ANKS1A: variants seen among roughly 807,000 people sequenced by gnomAD.
ANKS1A encodes the protein ankyrin repeat and sterile alpha motif domain containing 1A, also known as ankyrin repeat and SAM domain-containing protein 1A.
Under a neutral mutation model 120.3 loss-of-function variants are expected in ANKS1A, and 55 were observed. The observed-to-expected ratio is 0.46, with a 90% CI of 0.37 to 0.57. ANKS1A has a LOEUF of 0.57. ANKS1A is among the 20% of genes least tolerant of loss of function. The pLI is 0.00. For missense variants in ANKS1A, 1,123 were observed against 1,480.3 expected, an observed-to-expected ratio of 0.76 and a Z score of 3.96; for synonymous variants, 590 against 604.7, an observed-to-expected ratio of 0.98 and a Z score of 0.36.
intron 8 of ANKS1A, among the ~76,000 whole-genome samples, chr6:34,987,381 T>A (rs968584582): frequency 6.6e-6 from 1 of 152,186 alleles, no homozygotes; most frequent in African/African-American, 2.4e-5. Context: ...TACGATGAGT[T>A]CTTTTTGTTG....
chr6:35,000,504 G>A (rs1260846769), intron 10 of ANKS1A, among the ~76,000 whole-genome samples: 2 of 151,802 alleles, frequency 1.3e-5, no homozygotes, highest in Admixed American at 6.6e-5. Context: ...AAAAAAAGTG[G>A]AGGGAGGCAA....
intron 11 of ANKS1A, among the ~76,000 whole-genome samples, chr6:35,051,963 A>T (rs1561940390): frequency 6.6e-6 from 1 of 152,194 alleles, no homozygotes; most frequent in Non-Finnish European, 1.5e-5. Flanking sequence ...TGTACATGAT[A>T]TCTTTTAATC....
In ANKS1A at chr6:34,982,095, C is replaced by T. The variant is rs1771935293; in HGVS notation, c.732+109C>T. On this transcript the variant is annotated intron_variant, in intron 4 of 23. Coordinates refer to ENST00000360359, the MANE Select transcript of ANKS1A (RefSeq NM_015245.3). This position sits in a 1 kb window ranked among gnomAD's most constrained non-coding sequence, Gnocchi z 4.9. ...GCTCTTTATTTAGCACGTTTCACAT[C>T]ATGTTTCAAATGCTTATTTGCCGAC... 3.0e-6 allele frequency: 4 copies of T among 1,343,048 alleles called. No individual in the cohort carries two copies. Among genetic ancestry groups the T allele is most frequent in the Non-Finnish European group, 4.0e-6 (4 of 990,548 alleles). 83.2% of individuals were successfully genotyped at this position (1,343,048 alleles called of 1,614,324 possible).
At chr6:35,001,852 G>A (rs1942567098) in intron 10 of ANKS1A, among the ~76,000 whole-genome samples, 1 of 152,154 alleles carries the variant, frequency 6.6e-6, no homozygotes, top group South Asian at 2.1e-4. Flanking sequence ...GGCAGTTGGA[G>A]TTTTAACCCA....
Position 35,090,626 on chromosome 6 carries a change from G to A in ANKS1A, c.*2017G>A, listed in dbSNP as rs1041292242. ...AATATTCAAGAAAGGAAAATGACTG[G>A]GCCTTTCTTTCTTTTCTTCTCCTCT... On this transcript the variant is annotated 3_prime_UTR_variant, in exon 24 of 24. Transcript: ENST00000360359. 1.0e-6 allele frequency: 1 copy of A among 991,036 alleles called. No individual in the cohort carries two copies. The highest frequency in any genetic ancestry group is 1.2e-6 in the Non-Finnish European group (1 of 833,624). The allele number at this position is 991,036 out of a possible 1,614,324, so 61.4% of individuals were successfully genotyped here.
chr6:35,094,925 A>C (rs1419761581), downstream of ANKS1A, among the ~76,000 whole-genome samples: 3 of 152,142 alleles, frequency 2.0e-5, no homozygotes, highest in African/African-American at 7.2e-5. Flanking sequence ...GAATTGCTTG[A>C]GTCCAGGAGC....
chr6:34,927,097 G>A (rs769112875), intron 1 of ANKS1A, among the ~76,000 whole-genome samples: 1 of 152,148 alleles, frequency 6.6e-6, no homozygotes, highest in Non-Finnish European at 1.5e-5. Flanking sequence ...AGAACACTTT[G>A]AATGGTACCT....
chr6:35,093,893 G>A (rs1778381324), downstream of ANKS1A, among the ~76,000 whole-genome samples: 1 of 152,206 alleles, frequency 6.6e-6, no homozygotes. Context: ...ATAATGAGGT[G>A]CCCAACAACC....
chr6:35,091,986 C>T (rs377275114), downstream of ANKS1A, among the ~76,000 whole-genome samples: 2 of 152,358 alleles, frequency 1.3e-5, no homozygotes, highest in East Asian at 3.9e-4. Flanking sequence ...CACAAGCAAG[C>T]GGTCATAGCG....
intron 8 of ANKS1A, among the ~76,000 whole-genome samples, chr6:34,988,558 T>G (rs1772336994): frequency 6.6e-6 from 1 of 152,230 alleles, no homozygotes. Flanking sequence ...ATCGCGCCAC[T>G]GCACTTCAGC....
intron 10 of ANKS1A, among the ~76,000 whole-genome samples, chr6:35,004,582 T>A (rs1170926871): frequency 1.3e-5 from 2 of 152,194 alleles, no homozygotes; most frequent in Non-Finnish European, 2.9e-5. Flanking sequence ...TTAAGGTTCT[T>A]CTCACCTCCC....
At chr6:34,904,737 A>G (rs1280929851) in intron 1 of ANKS1A, among the ~76,000 whole-genome samples, 1 of 152,244 alleles carries the variant, frequency 6.6e-6, no homozygotes, top group Non-Finnish European at 1.5e-5. Context: ...TATCAAAAAC[A>G]AAAAACAAAA....
At chr6:34,966,614 A>C (rs577487778) in intron 1 of ANKS1A, among the ~76,000 whole-genome samples, 40 of 152,376 alleles carry the variant, frequency 2.6e-4, no homozygotes, top group Non-Finnish European at 5.0e-4. Context: ...CAGTAAGGCC[A>C]ATGCAGAAAC....
At chr6:35,026,136 G>A (rs922790619) in intron 11 of ANKS1A, among the ~76,000 whole-genome samples, 1 of 152,070 alleles carries the variant, frequency 6.6e-6, no homozygotes, top group Non-Finnish European at 1.5e-5. Context: ...ACATTTTCTG[G>A]GATATTCTTT....
At chr6:34,924,089 TCGTG>T (rs775082324) in intron 1 of ANKS1A, among the ~76,000 whole-genome samples, 1 of 99,958 alleles carries the variant, frequency 1.0e-5, no homozygotes, top group Admixed American at 9.8e-5. Flanking sequence ...GGGGGCTTTT[TCGTG>T]TGTGTGTGTG....
chr6:35,090,389 G>A lies in ANKS1A; in HGVS notation c.*1780G>A. 8.2e-7 allele frequency: 1 copy of A among 1,225,670 alleles called. No individual in the cohort carries two copies. Among genetic ancestry groups the A allele is most frequent in the African/African-American group, 1.6e-5 (1 of 62,610 alleles). The allele number at this position is 1,225,670 out of a possible 1,614,324, so 75.9% of individuals were successfully genotyped here. On this transcript the variant is annotated 3_prime_UTR_variant, in exon 24 of 24. Transcript: ENST00000360359. ...TAAGGGGCCAGGCCACATCCAAGTGGGCCTCTGTCGGGGGCGGGGCGGTAG... is the reference window on the plus strand; with the variant it reads ...TAAGGGGCCAGGCCACATCCAAGTGAGCCTCTGTCGGGGGCGGGGCGGTAG...
intron 11 of ANKS1A, among the ~76,000 whole-genome samples, chr6:35,020,241 C>G (rs552740493): frequency 1.1e-3 from 164 of 151,970 alleles, no homozygotes; most frequent in African/African-American, 3.6e-3. Context: ...GAAAAAATAA[C>G]AAAACAACAA....
chr6:34,994,482 C>A, intron 10 of ANKS1A, 60 bp downstream of exon 10: 4 of 1,585,422 alleles, frequency 2.5e-6, no homozygotes, highest in Non-Finnish European at 3.4e-6. Context: ...AGTTTGTGAT[C>A]CTGAGTGGAA....
chr6:35,039,088 G>GT (rs1775323152), intron 11 of ANKS1A, among the ~76,000 whole-genome samples: 1 of 28,822 alleles, frequency 3.5e-5, no homozygotes, highest in African/African-American at 5.1e-5. Flanking sequence ...GTGTGTGTGT[G>GT]TGTGGGGGGG....
Sources: gnomAD v4.1 joint callset for allele counts (sites outside exome capture counted in the v4.1 genomes callset) on GRCh38, gnomAD v4.1.1 for gene constraint, Gnocchi (gnomAD v3.1) non-coding constraint, MANE v1.5 for transcripts, NCBI Gene and HGNC (gene_info 2026-07-23, HGNC 2026-07-21) for gene names.